The following NUP188 variants were observed in gnomAD, a reference collection of about 807,000 sequenced individuals.
NUP188 encodes the protein nucleoporin NUP188.
In NUP188, 97 loss-of-function variants were observed where a neutral mutation model predicts 223.0. The observed-to-expected ratio is 0.43, with a 90% CI of 0.37 to 0.51. The LOEUF is 0.51. Among genes scored for constraint, NUP188 ranks in the 20% least tolerant of loss-of-function variants. The probability of loss-of-function intolerance (pLI) is 0.00; values close to 1 mark genes in which losing one functional copy is unlikely to be tolerated. For missense variants in NUP188, 1,947 were observed against 2,175.6 expected (o/e 0.89, Z 2.09); for synonymous variants, 869 against 828.0 (o/e 1.05, Z -0.85).
At chr9:128,977,407 C>T (rs1387530716) in intron 12 of NUP188, among the ~76,000 whole-genome samples, 1 of 152,032 alleles carries the variant, frequency 6.6e-6, no homozygotes, top group African/African-American at 2.4e-5. Flanking sequence ...GCATGAGCCA[C>T]CGTGCCCGAC....
intron 8 of NUP188, among the ~76,000 whole-genome samples, chr9:128,962,257 T>G (rs1474985040): frequency 1.3e-5 from 2 of 150,968 alleles, no homozygotes; most frequent in Non-Finnish European, 3.0e-5. Context: ...TCTTTTTTTT[T>G]TTTTTTTTTG....
At chr9:128,964,265 G>T in intron 8 of NUP188, 1 of 373,894 alleles carries the variant, frequency 2.7e-6, no homozygotes, top group Non-Finnish European at 5.2e-6. Context: ...AATTGTCAGA[G>T]TTCTTTATAT....
At chr9:128,964,424 G>A (rs79820863) in intron 8 of NUP188, 11,251 of 200,804 alleles carry the variant, frequency 0.056, 457 homozygotes, top group Middle Eastern at 0.13. Flanking sequence ...TCCAGTGGTG[G>A]GAACATGGTT....
chr9:128,960,049 T>G, intron 8 of NUP188, among the ~76,000 whole-genome samples: 3 of 150,946 alleles, frequency 2.0e-5, no homozygotes, highest in South Asian at 2.1e-4. Context: ...ACTAGTCTGA[T>G]TATTTTATTC....
chr9:128,981,201 C>A, intron 14 of NUP188, 63 bp from the exon 15 acceptor site: 1 of 1,583,630 alleles, frequency 6.3e-7, no homozygotes. Context: ...AAAGAGCAGA[C>A]TGTGGGACCT....
intron 15 of NUP188, among the ~76,000 whole-genome samples, chr9:128,982,039 T>C (rs578103394): frequency 2.4e-4 from 37 of 151,676 alleles, no homozygotes; most frequent in African/African-American, 7.7e-4. Context: ...ATCGCGCCAT[T>C]GCACTCCAGC....
At position 129,005,352 on chromosome 9, in the gene NUP188, G is replaced by C. The variant is rs1204355940; in HGVS notation, c.4559G>C (p.Arg1520Thr). 5.6e-6 allele frequency: 9 copies of C among 1,613,978 alleles called. No homozygotes were observed. Among genetic ancestry groups the C allele is most frequent in the Non-Finnish European group, 7.6e-6 (9 of 1,180,040 alleles). The change falls in exon 40 of 44, where the codon AGG becomes ACG. Residue 1520 changes from arginine to threonine, a missense_variant. This residue lies in a region of NUP188 where 905 missense variants were observed against 990.6 expected (regional missense o/e 0.91). Coordinates refer to ENST00000372577, the MANE Select transcript of NUP188 (RefSeq NM_015354.3). ...LPSAVAQRVQ[R>T]PPSAASAAPS... Reference sequence around the variant, plus strand: ...TCAGCTGTTGCCCAGCGAGTCCAGAGGCCACCGTCTGCTGCTTCTGCTGCC... The same window carrying C: ...TCAGCTGTTGCCCAGCGAGTCCAGACGCCACCGTCTGCTGCTTCTGCTGCC...
At chr9:129,000,444 G>A (rs12553276) in intron 34 of NUP188, among the ~76,000 whole-genome samples, 44,917 of 151,832 alleles carry the variant, frequency 0.3, 7,802 homozygotes, top group Admixed American at 0.39. Flanking sequence ...TCAGCCACCC[G>A]AGTAGCTGGG....
chr9:128,955,326 T>C (rs1311590693), intron 3 of NUP188, among the ~76,000 whole-genome samples: 2 of 152,188 alleles, frequency 1.3e-5, no homozygotes, highest in African/African-American at 2.4e-5. Context: ...AATATAGCCA[T>C]GTCCAGCTAA....
intron 8 of NUP188, among the ~76,000 whole-genome samples, chr9:128,960,059 CTTTTTTTTTTT>C (rs956759518): frequency 5.8e-5 from 6 of 103,790 alleles, no homozygotes; most frequent in African/African-American, 2.4e-4. Flanking sequence ...TTATTTTATT[CTTTTTTTTTTT>C]TTTTTTTTTT....
chr9:128,955,476 C>A (rs1231097062), intron 3 of NUP188, among the ~76,000 whole-genome samples: 1 of 152,134 alleles, frequency 6.6e-6, no homozygotes, highest in Non-Finnish European at 1.5e-5. Flanking sequence ...TGGCCCCTCC[C>A]TATCCTATTT....
intron 8 of NUP188, among the ~76,000 whole-genome samples, chr9:128,965,687 A>C (rs1842017373): frequency 1.3e-5 from 2 of 152,040 alleles, no homozygotes; most frequent in Non-Finnish European, 2.9e-5. Context: ...TCCTGAGCTC[A>C]GGTGATCCGG....
intron 14 of NUP188, 61 bp downstream of exon 14, chr9:128,980,786 G>T: frequency 6.4e-7 from 1 of 1,570,724 alleles, no homozygotes; most frequent in Non-Finnish European, 8.7e-7. Flanking sequence ...ACTTTATTAG[G>T]AATCTTTTTT....
Position 129,005,439 on chromosome 9 carries a change from C to T in NUP188, c.4646C>T (p.Thr1549Ile), listed in dbSNP as rs1309231342. The T allele has an allele frequency of 3.1e-6, 5 of 1,608,596 alleles. No individual in the cohort carries two copies. The highest frequency in any genetic ancestry group is 2.2e-5 in the East Asian group (1 of 44,864). ...TEASEQQALH[T>I]VQYGLLKILS... ...GCATCAGAGCAGCAGGCCTTGCACA[C>T]AGTCCAGTATGGCCTTCTCAAGATC... Residue 1549 changes from threonine to isoleucine, a missense_variant, in exon 40 of 44, where the codon ACA becomes ATA. Coordinates refer to ENST00000372577, the MANE Select transcript of NUP188 (RefSeq NM_015354.3).
intron 11 of NUP188, among the ~76,000 whole-genome samples, chr9:128,971,167 T>G (rs1842099723): frequency 6.6e-6 from 1 of 152,216 alleles, no homozygotes. Context: ...AAGATTATCA[T>G]TCTGTTTTAT....
rs1842817268 is a variant in NUP188, at chr9:129,006,691, C to G, written c.*13C>G. 2 of 1,606,966 alleles carry G rather than the reference C, an allele frequency of 1.2e-6. No homozygotes were observed. Among genetic ancestry groups the G allele is most frequent in the African/African-American group, 1.3e-5 (1 of 74,776 alleles). ...TATGCAAAGATAGGGCAGTGCTGTT[C>G]TGCCCACCTACCCCTCTCCACCAGC... On this transcript the variant is annotated 3_prime_UTR_variant, in exon 44 of 44. Transcript: ENST00000372577.
intron 25 of NUP188, among the ~76,000 whole-genome samples, chr9:128,992,593 C>G (rs1343353480): frequency 1.3e-5 from 2 of 152,122 alleles, no homozygotes; most frequent in Non-Finnish European, 2.9e-5. Flanking sequence ...TTCCTTCATT[C>G]TTTTTTGTCT....
intron 1 of NUP188, 68 bp downstream of exon 1, chr9:128,947,819 C>G (rs1269732419): frequency 1.5e-6 from 2 of 1,302,940 alleles, no homozygotes; most frequent in Non-Finnish European, 2.0e-6. Context: ...GGAAGCGGGG[C>G]GGGAATTGGA....
chr9:129,000,975 TGCA>T (rs1842647690), intron 34 of NUP188, among the ~76,000 whole-genome samples: 1 of 151,942 alleles, frequency 6.6e-6, no homozygotes. Flanking sequence ...GAGCGGAGGT[TGCA>T]GTGAGCCGAG....
Sources: allele counts gnomAD v4.1 joint callset (sites outside exome capture counted in the v4.1 genomes callset), GRCh38; gene constraint gnomAD v4.1.1; regional missense constraint gnomAD v4.1.1; transcripts MANE v1.5; gene names NCBI Gene and HGNC (gene_info 2026-07-23, HGNC 2026-07-21).